Variants in GBF1 observed in about 807,000 individuals in gnomAD.
The protein encoded by GBF1 is Golgi-specific brefeldin A-resistance guanine nucleotide exchange factor 1.
Under a neutral mutation model 210.5 loss-of-function variants are expected in GBF1, and 114 were observed. That is an observed-to-expected ratio of 0.54 (90% CI 0.47 to 0.63). GBF1 has a LOEUF of 0.63. GBF1 is among the 30% of genes least tolerant of loss of function. The probability of loss-of-function intolerance (pLI) is 0.00; values close to 1 mark genes in which losing one functional copy is unlikely to be tolerated. For synonymous variants in GBF1, 850 were observed against 889.2 expected, an observed-to-expected ratio of 0.96 and a Z score of 0.78; for missense variants, 1,851 against 2,357.7, an observed-to-expected ratio of 0.79 and a Z score of 4.45.
Position 102,271,317 on chromosome 10 carries a change from G to A in GBF1, c.163+11201G>A, listed in dbSNP as rs555969939. Among the ~76,000 whole-genome samples, 43 of 152,206 alleles carry A rather than the reference G, an allele frequency of 2.8e-4. No individual in the cohort carries two copies. In the East Asian group the frequency reaches 6.8e-3, roughly 24 times the overall value. On this transcript the variant is annotated intron_variant, in intron 3 of 39. Coordinates refer to ENST00000369983, the MANE Select transcript of GBF1 (RefSeq NM_001377137.1). Reference sequence around the variant, plus strand: ...CTCCCCAAGTGCTGGAATTACAGGCGTGAGCCACCGCACCTGGCCCATGCC... The same window carrying A: ...CTCCCCAAGTGCTGGAATTACAGGCATGAGCCACCGCACCTGGCCCATGCC...
rs1024442261 is a variant in GBF1 at position 102,379,670 on chromosome 10, C to G, written c.4776+19C>G. 1 of 1,613,384 alleles carries G rather than the reference C, an allele frequency of 6.2e-7. No homozygotes were observed. ...TAACAAGGTGGGACTTCCTACTGGT[C>G]TTAAGATAAAGTTCAAATCCTAAGA... On this transcript the variant is annotated intron_variant, in intron 35 of 39. Transcript: ENST00000369983.
At chr10:102,290,333 C>G (rs1589507437) in intron 3 of GBF1, among the ~76,000 whole-genome samples, 1 of 152,156 alleles carries the variant, frequency 6.6e-6, no homozygotes, top group South Asian at 2.1e-4. Context: ...ACAGAATTTT[C>G]CATGCATTTA....
At chr10:102,371,222 A>G (rs1053409946) in intron 29 of GBF1, among the ~76,000 whole-genome samples, 2 of 152,264 alleles carry the variant, frequency 1.3e-5, no homozygotes, top group African/African-American at 4.8e-5. Flanking sequence ...AGTGGATTCA[A>G]CAAGGTCACA....
At chr10:102,292,565 G>A (rs569416383) in intron 3 of GBF1, among the ~76,000 whole-genome samples, 10 of 152,014 alleles carry the variant, frequency 6.6e-5, no homozygotes, top group Middle Eastern at 3.4e-3. Flanking sequence ...TGGGGTTCTC[G>A]CCAGTTCTGC....
At chr10:102,288,729 AAAAAAAC>A (rs2076179854) in intron 3 of GBF1, among the ~76,000 whole-genome samples, 2 of 145,662 alleles carry the variant, frequency 1.4e-5, no homozygotes, top group Non-Finnish European at 3.1e-5. Context: ...AAGGAAAAAA[AAAAAAAC>A]AAAAAAAAAA....
chr10:102,362,700 T>G, intron 15 of GBF1, 36 bp downstream of exon 15: 1 of 1,502,658 alleles, frequency 6.7e-7, no homozygotes, highest in Non-Finnish European at 9.3e-7. Flanking sequence ...AACCCAGTGT[T>G]CTATGCTTAT....
At chr10:102,270,537 C>A (rs905387293) in intron 3 of GBF1, among the ~76,000 whole-genome samples, 20 of 152,154 alleles carry the variant, frequency 1.3e-4, no homozygotes, top group African/African-American at 4.6e-4. Context: ...CATTTAGAGT[C>A]AAAATTACTA....
At chr10:102,323,575 CTTTT>C (rs552692343) in intron 3 of GBF1, among the ~76,000 whole-genome samples, 2 of 139,366 alleles carry the variant, frequency 1.4e-5, no homozygotes, top group African/African-American at 2.6e-5. Context: ...TTTTTTCTGT[CTTTT>C]TTTTTTTTTT....
At chr10:102,242,703 C>T (rs2070568839), upstream of GBF1, among the ~76,000 whole-genome samples, 1 of 151,840 alleles carries the variant, frequency 6.6e-6, no homozygotes, top group African/African-American at 2.4e-5. Context: ...CCGAGGCGGG[C>T]GGATCACAAG....
chr10:102,272,279 A>G (rs1274024385), intron 3 of GBF1, among the ~76,000 whole-genome samples: 1 of 151,988 alleles, frequency 6.6e-6, no homozygotes, highest in African/African-American at 2.4e-5. Context: ...TAATTTTTGT[A>G]TTGTTAGTAG....
At chr10:102,354,119 A>G (rs1226636160) in intron 8 of GBF1, among the ~76,000 whole-genome samples, 2 of 152,176 alleles carry the variant, frequency 1.3e-5, no homozygotes, top group Admixed American at 6.5e-5. Flanking sequence ...AACTGCTAGG[A>G]GAAGAATAGT....
At chr10:102,348,889 C>T (rs1271998935) in intron 4 of GBF1, among the ~76,000 whole-genome samples, 1 of 152,198 alleles carries the variant, frequency 6.6e-6, no homozygotes, top group Non-Finnish European at 1.5e-5. Context: ...GTGGCTCACA[C>T]CTGTAATCCC....
At chr10:102,344,275 G>T in intron 4 of GBF1, 93 bp downstream of exon 4, 2 of 1,169,716 alleles carry the variant, frequency 1.7e-6, no homozygotes, top group African/African-American at 1.5e-5. Context: ...GGTGATAGTG[G>T]GAAATTTTTT....
rs757351412 is a variant in GBF1 at position 102,351,311 on chromosome 10, C to A, written c.351C>A (p.Thr117=). 6.2e-7 allele frequency: 1 copy of A among 1,612,430 alleles called. No individual in the cohort carries two copies. The highest frequency in any genetic ancestry group is 1.1e-5 in the South Asian group (1 of 91,044). The change falls in exon 5 of 40, where the codon ACC becomes ACA. Residue 117 remains threonine, a synonymous_variant. Coordinates refer to ENST00000369983, the MANE Select transcript of GBF1 (RefSeq NM_001377137.1). ...TGGAGAACATGGCAGATGCTGTCAC[C>A]CATGCTCGTTTTGTGGGCACGGATC... ...EGMENMADAV[T]HARFVGTDPA...
At chr10:102,322,699 T>G (rs1359663716) in intron 3 of GBF1, among the ~76,000 whole-genome samples, 2 of 107,672 alleles carry the variant, frequency 1.9e-5, no homozygotes, top group East Asian at 2.8e-4. Context: ...CTGGGCAACA[T>G]AGTGAGATCT....
chr10:102,238,057 A>T, the GBF1 span, among the ~76,000 whole-genome samples: 1 of 152,136 alleles, frequency 6.6e-6, no homozygotes, highest in East Asian at 1.9e-4. Flanking sequence ...GAAAGGTGTA[A>T]AAAAGGCCCC....
intron 28 of GBF1, 46 bp from the exon 29 acceptor site, chr10:102,370,661 T>C: frequency 6.3e-7 from 1 of 1,593,178 alleles, no homozygotes; most frequent in South Asian, 1.1e-5. Flanking sequence ...TGTTGCCCAG[T>C]GGCCCCTCTG....
chr10:102,359,772 C>A (rs1435092986), intron 11 of GBF1, among the ~76,000 whole-genome samples: 1 of 147,342 alleles, frequency 6.8e-6, no homozygotes, highest in Non-Finnish European at 1.5e-5. Context: ...AAAAAAAATC[C>A]TTTTCCTTTT....
chr10:102,312,673 T>A (rs2078574326), intron 3 of GBF1, among the ~76,000 whole-genome samples: 1 of 152,236 alleles, frequency 6.6e-6, no homozygotes, highest in Non-Finnish European at 1.5e-5. Flanking sequence ...GTTCCCAGAC[T>A]ATGAAACTGC....
Sources: allele counts gnomAD v4.1 joint callset (sites outside exome capture counted in the v4.1 genomes callset), GRCh38; gene constraint gnomAD v4.1.1; transcripts MANE v1.5; gene names NCBI Gene and HGNC (gene_info 2026-07-23, HGNC 2026-07-21).